UNC13C: variants seen among roughly 807,000 people sequenced by gnomAD.
UNC13C encodes protein unc-13 homolog C.
In UNC13C, 174 loss-of-function variants were observed where a neutral mutation model predicts 245.4. The observed-to-expected ratio is 0.71, with a 90% confidence interval of 0.63 to 0.80. The LOEUF is 0.80. Ranked by LOEUF, UNC13C falls within the 30% of genes least tolerant of loss-of-function variation. The probability of loss-of-function intolerance (pLI) is 0.00; values close to 1 mark genes in which losing one functional copy is unlikely to be tolerated. For synonymous variants in UNC13C, 992 were observed against 895.1 expected, an observed-to-expected ratio of 1.11 and a Z score of -1.93; for missense variants, 2,829 against 2,602.9, an observed-to-expected ratio of 1.09 and a Z score of -1.89.
At chr15:54,574,309 A>G (rs1303156866) in intron 30 of UNC13C, among the ~76,000 whole-genome samples, 2 of 152,036 alleles carry the variant, frequency 1.3e-5, no homozygotes, top group African/African-American at 2.4e-5. Flanking sequence ...GAAATATTAC[A>G]TTTCTTATTG....
intron 4 of UNC13C, among the ~76,000 whole-genome samples, chr15:54,218,804 AG>A (rs1018846946): frequency 6.6e-6 from 1 of 151,950 alleles, no homozygotes; most frequent in Admixed American, 6.6e-5. Flanking sequence ...GAGCTTCAGG[AG>A]GGGGACAGAT....
chr15:53,968,882 T>C, the UNC13C span, among the ~76,000 whole-genome samples: 4 of 152,202 alleles, frequency 2.6e-5, no homozygotes, highest in Admixed American at 2.0e-4. Context: ...TTAATTGTCT[T>C]GTGCTCCTCT....
At chr15:53,865,695 G>A in the UNC13C span, among the ~76,000 whole-genome samples, 48 of 152,046 alleles carry the variant, frequency 3.2e-4, no homozygotes, top group Non-Finnish European at 6.0e-4. Context: ...ATTAAGATCC[G>A]CTGAACTCCA....
At chr15:54,057,918 A>G (rs894264681) in intron 2 of UNC13C, among the ~76,000 whole-genome samples, 5 of 152,190 alleles carry the variant, frequency 3.3e-5, no homozygotes, top group Non-Finnish European at 7.3e-5. Flanking sequence ...ACCAACAAGA[A>G]CAAAGACACA....
the UNC13C span, among the ~76,000 whole-genome samples, chr15:53,868,149 T>C: frequency 1.3e-5 from 2 of 152,172 alleles, no homozygotes; most frequent in Non-Finnish European, 2.9e-5. Context: ...GCTTTTATCA[T>C]ATTAAACTAT....
the UNC13C span, among the ~76,000 whole-genome samples, chr15:53,917,100 ATTTG>A: frequency 6.6e-6 from 1 of 152,186 alleles, no homozygotes; most frequent in African/African-American, 2.4e-5. Context: ...ATCCTGGTGA[ATTTG>A]TTTAACATTT....
intron 17 of UNC13C, among the ~76,000 whole-genome samples, chr15:54,364,911 G>A (rs1163278576): frequency 6.6e-6 from 1 of 152,046 alleles, no homozygotes; most frequent in Admixed American, 6.6e-5. Flanking sequence ...GATCAAACTC[G>A]GGCATAACCA....
chr15:54,044,486 G>C (rs1436208689), intron 2 of UNC13C: 1 of 252,996 alleles, frequency 4.0e-6, no homozygotes, highest in Non-Finnish European at 8.3e-6. Flanking sequence ...TTGTTTAACT[G>C]TTTGAAGAAT....
chr15:54,018,404 G>A (rs960152531), intron 2 of UNC13C, among the ~76,000 whole-genome samples: 4 of 152,158 alleles, frequency 2.6e-5, no homozygotes, highest in Admixed American at 6.5e-5. Context: ...TCACACATTT[G>A]AATTATTTAT....
chr15:54,122,223 CTTAATAATTTCTAA>C (rs2030718370), intron 2 of UNC13C, among the ~76,000 whole-genome samples: 1 of 151,688 alleles, frequency 6.6e-6, no homozygotes, highest in African/African-American at 2.4e-5. Context: ...TGATCTTACA[CTTAATAATTTCTAA>C]ATGGTGTACC....
intron 30 of UNC13C, among the ~76,000 whole-genome samples, chr15:54,599,922 T>G (rs1425374711): frequency 6.6e-6 from 1 of 152,196 alleles, no homozygotes; most frequent in Admixed American, 6.5e-5. Flanking sequence ...GAATGATAAT[T>G]ACCTAGGCAC....
chr15:54,178,399 T>A (rs2033686637), intron 4 of UNC13C, among the ~76,000 whole-genome samples: 2 of 152,146 alleles, frequency 1.3e-5, no homozygotes, highest in Admixed American at 1.3e-4. Flanking sequence ...ATATTTAAGA[T>A]GTAATCCATC....
At chr15:54,037,249 C>A (rs1411057417) in intron 2 of UNC13C, among the ~76,000 whole-genome samples, 1 of 152,102 alleles carries the variant, frequency 6.6e-6, no homozygotes, top group East Asian at 1.9e-4. Flanking sequence ...CAGTTGTTGC[C>A]CTTTTAGGCA....
intron 17 of UNC13C, among the ~76,000 whole-genome samples, chr15:54,387,148 T>C (rs953994): frequency 0.07 from 10,655 of 151,962 alleles, 408 homozygotes; most frequent in East Asian, 0.12. Context: ...GCCAACGGAG[T>C]AAAGTGAAAG....
At chr15:54,195,118 C>A (rs1436741952) in intron 4 of UNC13C, among the ~76,000 whole-genome samples, 1 of 100,088 alleles carries the variant, frequency 1.0e-5, no homozygotes, top group Non-Finnish European at 2.4e-5. Context: ...ACTGCACATA[C>A]AAAAATGGAA....
intron 30 of UNC13C, among the ~76,000 whole-genome samples, chr15:54,604,929 G>A (rs968347918): frequency 6.9e-6 from 1 of 144,268 alleles, no homozygotes; most frequent in Non-Finnish European, 1.5e-5. Flanking sequence ...CTGCACTTCC[G>A]GCACATGTAC....
chr15:54,090,909 TTGA>T (rs1215443007), intron 2 of UNC13C, among the ~76,000 whole-genome samples: 2 of 152,134 alleles, frequency 1.3e-5, no homozygotes, highest in African/African-American at 2.4e-5. Context: ...CAGTAGGTAC[TTGA>T]TGATCTTATG....
At chr15:53,838,388 G>T in the UNC13C span, among the ~76,000 whole-genome samples, 1 of 151,946 alleles carries the variant, frequency 6.6e-6, no homozygotes, top group Non-Finnish European at 1.5e-5. Flanking sequence ...TTTTTAAAAT[G>T]TTTTTTCCAT....
intron 2 of UNC13C, among the ~76,000 whole-genome samples, chr15:54,105,891 G>T (rs2141164989): frequency 6.6e-6 from 1 of 152,334 alleles, no homozygotes; most frequent in South Asian, 2.1e-4. Flanking sequence ...TAGAGGACTA[G>T]CTAGAAGCCA....
Sources: gnomAD v4.1 joint callset for allele counts (sites outside exome capture counted in the v4.1 genomes callset) on GRCh38, gnomAD v4.1.1 for gene constraint, MANE v1.5 for transcripts, NCBI Gene and HGNC (gene_info 2026-07-23, HGNC 2026-07-21) for gene names.